MICALL2: variants seen among roughly 807,000 people sequenced by gnomAD.
MICALL2 encodes the protein MICAL-like protein 2.
MICALL2 carries 111 observed loss-of-function variants against 91.1 expected under a neutral mutation model. The observed-to-expected ratio is 1.22, with a 90% CI of 1.04 to 1.43. The LOEUF (loss-of-function observed/expected upper bound fraction) is 1.43. Ranked by LOEUF, MICALL2 falls within the 40% of genes most tolerant of loss-of-function variation. The pLI, the probability that MICALL2 is intolerant of heterozygous loss-of-function variation, is 0.00. For missense variants in MICALL2, 1,556 were observed against 1,236.0 expected (o/e 1.26, Z -3.88); for synonymous variants, 694 against 525.3 (o/e 1.32, Z -4.39).
chr7:1,434,985 G>GACC, intron 16 of MICALL2, 116 bp downstream of exon 16: 1 of 255,664 alleles, frequency 3.9e-6, no homozygotes, highest in South Asian at 3.4e-5. Flanking sequence ...CCCGATACCC[G>GACC]CCCCCCCCCC....
In MICALL2 at chr7:1,445,065, T is replaced by A. The variant is rs1179553803; in HGVS notation, c.1005A>T (p.Lys335Asn). 1.9e-6 allele frequency: 3 copies of A among 1,549,168 alleles called. No individual in the cohort carries two copies. The African/African-American group carries it at 4.1e-5, about 21-fold the overall frequency. ...AGCTATTGGTCACACGAGGGCGGAC[T>A]TTCCCCTCCGTGGGAGTGGGGGCCA... ...SRLAPTPTEG[K>N]VRPRVTNSSP... Residue 335 changes from lysine to asparagine, a missense_variant, in exon 6 of 17, where the codon AAA becomes AAT. Coordinates refer to ENST00000297508, the MANE Select transcript of MICALL2 (RefSeq NM_182924.4).
At chr7:1,443,957 A>G in intron 6 of MICALL2, among the ~76,000 whole-genome samples, 1 of 152,070 alleles carries the variant, frequency 6.6e-6, no homozygotes, top group Admixed American at 6.6e-5. Context: ...ATGGAAGGTC[A>G]GGGCCTGGCT....
At chr7:1,447,106 G>A (rs948494954) in intron 4 of MICALL2, among the ~76,000 whole-genome samples, 2 of 152,136 alleles carry the variant, frequency 1.3e-5, no homozygotes, top group African/African-American at 2.4e-5. Context: ...TGCCCCATTA[G>A]GGGCATGGAT....
In MICALL2 at chr7:1,444,705, G is replaced by T; in HGVS notation, c.1365C>A (p.Phe455Leu). ...KDSSKEQARN[F>L]LKQALSALEE... is the part of the protein sequence containing the mutation. The stretch of plus-strand genomic sequence containing the variant: ...CCAGCGCTGAGAGGGCCTGCTTGAG[G>T]AAGTTCCGCGCCTGCTCCTTGCTGC... The change falls in exon 6 of 17, where the codon TTC (phenylalanine) becomes TTA (leucine). Residue 455 changes from phenylalanine (F) to leucine (L), a missense_variant. Phe to Leu is a conservative substitution (Grantham distance 22). Coordinates refer to ENST00000297508, the MANE Select transcript of MICALL2 (RefSeq NM_182924.4). 6.2e-7 allele frequency: 1 copy of T among 1,612,304 alleles called. No individual in the cohort carries two copies. The highest frequency in any genetic ancestry group is 8.5e-7 in the Non-Finnish European group (1 of 1,179,856).
At position 1,434,525 on chromosome 7, in the gene MICALL2, G is replaced by C; in HGVS notation, c.*71C>G. ...GAGTACAAGTCCGGGTTCCGGGTCCGGGCCAAGCCCATGGCCCCGAGTCCA... is the reference window on the plus strand; with the variant it reads ...GAGTACAAGTCCGGGTTCCGGGTCCCGGCCAAGCCCATGGCCCCGAGTCCA... On this transcript the variant is annotated 3_prime_UTR_variant, in exon 17 of 17. Transcript: ENST00000297508. The C allele has an allele frequency of 7.2e-7, 1 of 1,392,208 alleles. No individual in the cohort carries two copies. The highest frequency in any genetic ancestry group is 1.0e-6 in the Non-Finnish European group (1 of 978,650). The allele number at this position is 1,392,208 out of a possible 1,614,324, so 86.2% of individuals were successfully genotyped here. A position where few individuals can be genotyped will look rare whatever the true frequency, so the allele number is the denominator to read the frequency against.
intron 2 of MICALL2, among the ~76,000 whole-genome samples, 193 bp downstream of exon 2, chr7:1,450,047 A>C (rs528710008): frequency 1.8e-4 from 27 of 152,332 alleles, no homozygotes; most frequent in Non-Finnish European, 2.8e-4. Context: ...TGCCAAGATA[A>C]GAGGCTATTT....
chr7:1,434,527 G>T lies in MICALL2; in HGVS notation c.*69C>A. On this transcript the variant is annotated 3_prime_UTR_variant, in exon 17 of 17. Transcript: ENST00000297508. ...GTACAAGTCCGGGTTCCGGGTCCGG[G>T]CCAAGCCCATGGCCCCGAGTCCAAG... 7.1e-7 allele frequency: 1 copy of T among 1,413,086 alleles called. No individual in the cohort carries two copies. The highest frequency in any genetic ancestry group is 1.0e-6 in the Non-Finnish European group (1 of 997,682). 87.5% of individuals were successfully genotyped at this position (1,413,086 alleles called of 1,614,324 possible).
rs760425475 is a variant in MICALL2, at chr7:1,442,202, G to A, written c.1701C>T (p.Thr567=). ...EAPMAKGKST[T]LTQDMSTSLQ... ...CAGCCCCTTACTCACCCTGCGTTAAGGTGGTGCTTTTACCCTTTGCCATCG... is the reference window on the plus strand; with the variant it reads ...CAGCCCCTTACTCACCCTGCGTTAAAGTGGTGCTTTTACCCTTTGCCATCG... The change falls in exon 7 of 17, where the codon ACC becomes ACT. Residue 567 remains threonine, a synonymous_variant. Transcript: ENST00000297508. 5.6e-6 allele frequency: 9 copies of A among 1,612,480 alleles called. No individual in the cohort carries two copies. Among genetic ancestry groups the A allele is most frequent in the East Asian group, 2.2e-5 (1 of 44,880 alleles).
chr7:1,443,519 A>T (rs1780413523), intron 6 of MICALL2, among the ~76,000 whole-genome samples: 1 of 152,222 alleles, frequency 6.6e-6, no homozygotes, highest in East Asian at 1.9e-4. Context: ...GGAAGCTCAG[A>T]GTGTGACCTT....
chr7:1,442,414 C>T lies in MICALL2; in HGVS notation c.1489G>A (p.Ala497Thr). 2 of 1,587,274 alleles carry T rather than the reference C, an allele frequency of 1.3e-6. No homozygotes were observed. The highest frequency in any genetic ancestry group is 8.6e-7 in the Non-Finnish European group (1 of 1,165,422). The change falls in exon 7 of 17, where the codon GCC becomes ACC. Residue 497 changes from alanine to threonine, a missense_variant. By Grantham distance (58) the Ala-to-Thr change is moderately conservative. Coordinates refer to ENST00000297508, the MANE Select transcript of MICALL2 (RefSeq NM_182924.4). ...KTEAPQASPL[A>T]KPLQSSSPRV... ...GGAGACGAGGACTGTAACGGCTTGG[C>T]TAAGGGACTTGCTTGTGGTGCTTCA...
intron 2 of MICALL2, among the ~76,000 whole-genome samples, 175 bp from the exon 3 acceptor site, chr7:1,448,936 G>T (rs1430445595): frequency 6.6e-6 from 1 of 152,258 alleles, no homozygotes; most frequent in African/African-American, 2.4e-5. Flanking sequence ...CATCATTGCA[G>T]CGGGGATCAC....
intron 16 of MICALL2, 136 bp from the exon 17 acceptor site, chr7:1,434,808 G>C: frequency 1.1e-6 from 1 of 937,204 alleles, no homozygotes; most frequent in Admixed American, 2.8e-5. Flanking sequence ...CCTGCAGGAA[G>C]CCCTGTGCCC....
intron 8 of MICALL2, 91 bp from the exon 9 acceptor site, chr7:1,440,176 G>T: frequency 6.7e-7 from 1 of 1,481,580 alleles, no homozygotes; most frequent in Non-Finnish European, 9.0e-7. Context: ...CAGACCAGCC[G>T]GAGGGAGCAG....
intron 9 of MICALL2, chr7:1,439,479 G>GC: frequency 8.3e-6 from 1 of 120,636 alleles, no homozygotes; most frequent in Non-Finnish European, 1.4e-5. Context: ...ATGTACACAT[G>GC]GACACATGCA....
At chr7:1,444,422 C>A (rs572377693) in intron 6 of MICALL2, among the ~76,000 whole-genome samples, 1 of 152,302 alleles carries the variant, frequency 6.6e-6, no homozygotes, top group Admixed American at 6.5e-5. Flanking sequence ...CGAGCACATG[C>A]GGACAGCAGC....
Position 1,445,402 on chromosome 7 carries a change from T to C in MICALL2, c.668A>G (p.His223Arg), listed in dbSNP as rs1467650744. ...FRCKQCSCTL[H>R]SGAYKATGEP... ...TCCTGTGGCCTTGTAGGCCCCCGAGTGCAGCGTGCAGGAGCACTGCTTACA... is the reference window on the plus strand; with the variant it reads ...TCCTGTGGCCTTGTAGGCCCCCGAGCGCAGCGTGCAGGAGCACTGCTTACA... Residue 223 changes from histidine to arginine, a missense_variant, in exon 6 of 17, where the codon CAC (histidine) becomes CGC (arginine). Coordinates refer to ENST00000297508, the MANE Select transcript of MICALL2 (RefSeq NM_182924.4). 1.3e-6 allele frequency: 2 copies of C among 1,559,080 alleles called. No individual in the cohort carries two copies. Among genetic ancestry groups the C allele is most frequent in the Non-Finnish European group, 1.7e-6 (2 of 1,159,658 alleles).
At chr7:1,437,667 G>T in intron 13 of MICALL2, 59 bp from the exon 14 acceptor site, 1 of 1,489,112 alleles carries the variant, frequency 6.7e-7, no homozygotes. Flanking sequence ...CGCCTGGCCC[G>T]CCCAGCCCGC....
chr7:1,444,521 C>T (rs1483272565), intron 6 of MICALL2, 131 bp downstream of exon 6: 5 of 898,170 alleles, frequency 5.6e-6, no homozygotes, highest in Non-Finnish European at 8.2e-6. Context: ...AGGAAACAGG[C>T]TGGGGGAAGT....
intron 13 of MICALL2, 76 bp from the exon 14 acceptor site, chr7:1,437,684 G>A (rs976834600): frequency 1.3e-5 from 19 of 1,450,502 alleles, no homozygotes; most frequent in South Asian, 4.9e-5. Flanking sequence ...CCGCAACGAG[G>A]TCCTGGACCT....
Sources: gnomAD v4.1 joint callset for allele counts (sites outside exome capture counted in the v4.1 genomes callset) on GRCh38, gnomAD v4.1.1 for gene constraint, MANE v1.5 for transcripts, NCBI Gene and HGNC (gene_info 2026-07-23, HGNC 2026-07-21) for gene names.